FRMD4A: variants seen among roughly 807,000 people sequenced by gnomAD.
The protein encoded by FRMD4A is FERM domain containing 4A.
Under a neutral mutation model 129.1 loss-of-function variants are expected in FRMD4A, and 29 were observed. The ratio of observed to expected loss-of-function variants is 0.22; its 90% CI spans 0.17 to 0.31. The LOEUF (loss-of-function observed/expected upper bound fraction) is 0.31, where lower values mean the gene tolerates loss of function less well. Among genes scored for constraint, FRMD4A ranks in the 10% least tolerant of loss-of-function variants. The pLI is 1.00. For missense variants in FRMD4A, 1,272 were observed against 1,375.8 expected, an observed-to-expected ratio of 0.92 and a Z score of 1.19; for synonymous variants, 634 against 571.6, an observed-to-expected ratio of 1.11 and a Z score of -1.56.
At chr10:13,768,969 T>C (rs1036899040) in intron 6 of FRMD4A, among the ~76,000 whole-genome samples, 15 of 150,806 alleles carry the variant, frequency 9.9e-5, no homozygotes, top group Non-Finnish European at 1.3e-4. Context: ...TTAGCATTTA[T>C]AGGAAACTTT....
intron 2 of FRMD4A, among the ~76,000 whole-genome samples, chr10:14,164,923 T>C (rs1237054820): frequency 1.3e-5 from 2 of 152,192 alleles, no homozygotes; most frequent in African/African-American, 2.4e-5. Flanking sequence ...GATGTTAGTG[T>C]ATTTTATGTG....
intron 2 of FRMD4A, among the ~76,000 whole-genome samples, chr10:13,872,096 G>A (rs1307141550): frequency 6.6e-6 from 1 of 152,240 alleles, no homozygotes; most frequent in Non-Finnish European, 1.5e-5. Context: ...AGTGCAGAAC[G>A]CTGAATGCTG....
intron 2 of FRMD4A, among the ~76,000 whole-genome samples, chr10:13,885,393 C>A (rs2094607472): frequency 6.6e-6 from 1 of 152,166 alleles, no homozygotes; most frequent in Admixed American, 6.6e-5. Flanking sequence ...AAACCCAGGG[C>A]AAGATGGCGC....
At chr10:13,998,843 C>T (rs776617303) in intron 2 of FRMD4A, among the ~76,000 whole-genome samples, 3 of 152,196 alleles carry the variant, frequency 2.0e-5, no homozygotes, top group Non-Finnish European at 2.9e-5. Flanking sequence ...TGATTCCAGC[C>T]TTCTTCTCTA....
rs149065505 is a variant in FRMD4A at position 13,807,313 on chromosome 10, C to T, written c.206+3501G>A. ...CGAATCTTGTACAGAAGAGAGCACT[C>T]GTAAAAAATTGGGGAAATCTGAATC... On this transcript the variant is annotated intron_variant, in intron 4 of 24. Transcript: ENST00000357447. Among the ~76,000 whole-genome samples, 401 of 152,160 alleles carry T rather than the reference C, an allele frequency of 2.6e-3. 1 individual carries two copies. Among genetic ancestry groups the T allele is most frequent in the African/African-American group, 9.2e-3 (380 of 41,498 alleles).
At chr10:13,765,149 T>C (rs937437054) in intron 6 of FRMD4A, among the ~76,000 whole-genome samples, 48 of 148,522 alleles carry the variant, frequency 3.2e-4, no homozygotes, top group Non-Finnish European at 6.4e-4. Flanking sequence ...AGTCTCACTG[T>C]TGTCGTCCAG....
chr10:13,820,806 G>T (rs958268144), intron 3 of FRMD4A, among the ~76,000 whole-genome samples: 1 of 152,196 alleles, frequency 6.6e-6, no homozygotes, highest in Non-Finnish European at 1.5e-5. Context: ...CACTCTGCCC[G>T]GGACCCCGGG....
intron 2 of FRMD4A, among the ~76,000 whole-genome samples, chr10:14,229,590 A>C (rs1026061280): frequency 6.6e-6 from 1 of 152,114 alleles, no homozygotes; most frequent in Non-Finnish European, 1.5e-5. Context: ...GGTGTGCACC[A>C]CAATGCTTGG....
At chr10:14,147,762 G>C (rs1840148869) in intron 2 of FRMD4A, among the ~76,000 whole-genome samples, 4 of 152,098 alleles carry the variant, frequency 2.6e-5, no homozygotes, top group Admixed American at 2.6e-4. Context: ...TGTGTGGCCT[G>C]TTTCCTAACA....
intron 5 of FRMD4A, 66 bp from the exon 6 acceptor site, chr10:13,783,072 A>T: frequency 1.3e-6 from 1 of 756,696 alleles, no homozygotes. Flanking sequence ...TGCTCTCTTG[A>T]GCTACATGAT....
chr10:14,090,849 T>C (rs1476007436), intron 2 of FRMD4A, among the ~76,000 whole-genome samples: 1 of 152,198 alleles, frequency 6.6e-6, no homozygotes, highest in Non-Finnish European at 1.5e-5. Context: ...TATGTTTGTT[T>C]TTATTTTTTA....
chr10:13,750,073 A>AAAGAAAGAAAGAAAGAAAGG (rs2091505579), intron 8 of FRMD4A, among the ~76,000 whole-genome samples: 2 of 68,926 alleles, frequency 2.9e-5, no homozygotes, highest in Non-Finnish European at 6.5e-5. Flanking sequence ...AGGAAGGAAG[A>AAAGAAAGAAAGAAAGAAAGG]AAGAAAGAAA....
rs559400060 is a variant in FRMD4A at position 14,181,990 on chromosome 10, C to T, written c.45+148068G>A. ...GATTACAGACGTGAGCCACGGTACCCGGACTACATCTTTTCTTGATATTTC... is the reference window on the plus strand; with the variant it reads ...GATTACAGACGTGAGCCACGGTACCTGGACTACATCTTTTCTTGATATTTC... On this transcript the variant is annotated intron_variant, in intron 2 of 24. Transcript: ENST00000357447. Among the ~76,000 whole-genome samples the T allele has an allele frequency of 3.9e-5, 6 of 152,306 alleles. No individual in the cohort carries two copies. The South Asian group carries it at 8.3e-4, about 21-fold the overall frequency.
chr10:14,145,250 A>G (rs1299253230), intron 2 of FRMD4A, among the ~76,000 whole-genome samples: 2 of 152,192 alleles, frequency 1.3e-5, no homozygotes, highest in African/African-American at 2.4e-5. Flanking sequence ...TCTGCTGCTG[A>G]TTTACTGAAT....
At chr10:14,223,775 G>A (rs1336848487) in intron 2 of FRMD4A, among the ~76,000 whole-genome samples, 1 of 141,094 alleles carries the variant, frequency 7.1e-6, no homozygotes, top group Non-Finnish European at 1.5e-5. Flanking sequence ...GAGAGAGAGA[G>A]AGAGAGAAAG....
At chr10:14,285,740 C>G (rs1295641683) in intron 2 of FRMD4A, among the ~76,000 whole-genome samples, 1 of 152,190 alleles carries the variant, frequency 6.6e-6, no homozygotes, top group Non-Finnish European at 1.5e-5. Context: ...ATATTAACTC[C>G]CTTGTTGACT....
At chr10:14,275,858 G>A (rs1475884787) in intron 2 of FRMD4A, among the ~76,000 whole-genome samples, 2 of 152,108 alleles carry the variant, frequency 1.3e-5, no homozygotes, top group African/African-American at 4.8e-5. Context: ...GGGCAATACA[G>A]CAAGACCCCA....
Position 13,681,862 on chromosome 10 carries a change from A to C in FRMD4A, c.1118-6818T>G, listed in dbSNP as rs73590427. Among the ~76,000 whole-genome samples the C allele has an allele frequency of 9.0e-3, 1,378 of 152,310 alleles. 20 individuals are homozygous for C. Among genetic ancestry groups the C allele is most frequent in the African/African-American group, 0.032 (1,330 of 41,560 alleles). On this transcript the variant is annotated intron_variant, in intron 15 of 24. Transcript: ENST00000357447. ...TTGGGAGAATTAAAAGAGAACGCTTAGAAGATGCTTGGAAGAGAGGTGAGA... is the reference window on the plus strand; with the variant it reads ...TTGGGAGAATTAAAAGAGAACGCTTCGAAGATGCTTGGAAGAGAGGTGAGA...
chr10:13,659,011 T>C (rs548273145), intron 21 of FRMD4A, among the ~76,000 whole-genome samples: 2 of 152,208 alleles, frequency 1.3e-5, no homozygotes, highest in South Asian at 2.1e-4. Flanking sequence ...TAGGCCTCAG[T>C]AGAAAGATAG....
Sources: allele counts gnomAD v4.1 joint callset (sites outside exome capture counted in the v4.1 genomes callset), GRCh38; gene constraint gnomAD v4.1.1; transcripts MANE v1.5; gene names NCBI Gene and HGNC (gene_info 2026-07-23, HGNC 2026-07-21).